ROBO1: variants seen among roughly 807,000 people sequenced by gnomAD.
The protein encoded by ROBO1 is roundabout homolog 1.
In ROBO1, 149 loss-of-function variants were observed where a neutral mutation model predicts 195.9. The ratio of observed to expected loss-of-function variants is 0.76; its 90% CI spans 0.67 to 0.87. The LOEUF is 0.87. Ranked by LOEUF, ROBO1 falls within the 40% of genes least tolerant of loss-of-function variation. The pLI is 0.00. For synonymous variants in ROBO1, 816 were observed against 733.2 expected, an observed-to-expected ratio of 1.11 and a Z score of -1.82; for missense variants, 1,933 against 2,068.3, an observed-to-expected ratio of 0.93 and a Z score of 1.27.
intron 2 of ROBO1, among the ~76,000 whole-genome samples, chr3:79,251,303 C>T (rs2108909414): frequency 1.3e-5 from 2 of 152,166 alleles, no homozygotes; most frequent in East Asian, 3.9e-4. Context: ...TCTTCATTGT[C>T]TTATTTGCTT....
chr3:78,598,376 ATTT>A lies in ROBO1; in HGVS notation c.*534_*536del, dbSNP rs1400089033. On this transcript the variant is annotated 3_prime_UTR_variant, in exon 31 of 31. Coordinates refer to ENST00000464233, the MANE Select transcript of ROBO1 (RefSeq NM_002941.4). ...TTGTTTGTGGTTCTGCATTTGCTATATTTTTAGTTTCTTCCAGCAAAGGGTAGT... is the reference window on the plus strand; with the variant it reads ...TTGTTTGTGGTTCTGCATTTGCTATATTAGTTTCTTCCAGCAAAGGGTAGT... 2.0e-5 allele frequency: 3 copies of A among 152,554 alleles called. No homozygotes were observed. The highest frequency in any genetic ancestry group is 2.9e-5 in the Non-Finnish European group (2 of 68,014). 9.5% of individuals were successfully genotyped at this position (152,554 alleles called of 1,614,324 possible). A position where few individuals can be genotyped will look rare whatever the true frequency, so the allele number is the denominator to read the frequency against.
intron 3 of ROBO1, among the ~76,000 whole-genome samples, chr3:78,975,080 G>T (rs906557870): frequency 1.3e-5 from 2 of 152,016 alleles, no homozygotes; most frequent in Non-Finnish European, 2.9e-5. Context: ...ATGTAAATTA[G>T]AATTTTTATT....
intron 1 of ROBO1, among the ~76,000 whole-genome samples, chr3:79,727,376 CAA>C (rs1279987605): frequency 6.6e-6 from 1 of 151,872 alleles, no homozygotes; most frequent in Non-Finnish European, 1.5e-5. Context: ...AAAAAGGTGA[CAA>C]TAGAGGTGAT....
In ROBO1 at chr3:79,204,915, TTTTG is replaced by T. The variant is rs577654160; in HGVS notation, c.89-79380_89-79377del. On this transcript the variant is annotated intron_variant, in intron 2 of 30. Transcript: ENST00000464233. ...TTTTTTGTTTTTGTTTTTGTTTTTG[TTTTG>T]TTTGTTTGTTTTTTAACTTTATTTT... Among the ~76,000 whole-genome samples the T allele has an allele frequency of 4.8e-3, 727 of 152,106 alleles. 3 individuals carry two copies. The highest frequency in any genetic ancestry group is 0.011 in the African/African-American group (473 of 41,518).
intron 3 of ROBO1, among the ~76,000 whole-genome samples, chr3:78,963,703 G>C (rs71324656): frequency 6.6e-6 from 1 of 151,574 alleles, no homozygotes; most frequent in South Asian, 2.1e-4. Flanking sequence ...ATTTTTAGTA[G>C]AGACGGGGTT....
chr3:78,979,637 C>G (rs1010159686), intron 3 of ROBO1, among the ~76,000 whole-genome samples: 1 of 152,008 alleles, frequency 6.6e-6, no homozygotes, highest in African/African-American at 2.4e-5. Flanking sequence ...AGCTTTCAAC[C>G]CCCTTTACTA....
intron 2 of ROBO1, among the ~76,000 whole-genome samples, chr3:79,415,240 T>C (rs561606975): frequency 5.9e-5 from 9 of 152,298 alleles, no homozygotes; most frequent in South Asian, 2.1e-4. Context: ...AGTGAAACAA[T>C]AGATGAAGTT....
intron 29 of ROBO1, among the ~76,000 whole-genome samples, chr3:78,603,538 A>G (rs535832966): frequency 1.3e-5 from 2 of 152,304 alleles, no homozygotes; most frequent in South Asian, 4.1e-4. Flanking sequence ...AATGCTTAAT[A>G]ACACAGTAGG....
intron 3 of ROBO1, among the ~76,000 whole-genome samples, chr3:79,087,795 G>A (rs2079400627): frequency 6.6e-6 from 1 of 152,018 alleles, no homozygotes; most frequent in Admixed American, 6.6e-5. Flanking sequence ...GTGTAATAAA[G>A]ACAACTTGAG....
chr3:78,602,351 G>A (rs9871559), intron 29 of ROBO1, among the ~76,000 whole-genome samples: 53,864 of 151,908 alleles, frequency 0.35, 10,595 homozygotes, highest in Admixed American at 0.45. Context: ...TTCACCTTCC[G>A]CCATGATTCT....
chr3:79,351,745 T>G (rs1456934007), intron 2 of ROBO1, among the ~76,000 whole-genome samples: 4 of 152,162 alleles, frequency 2.6e-5, no homozygotes, highest in Admixed American at 6.5e-5. Context: ...AAGCTGACTA[T>G]CCAGTGAATT....
chr3:78,933,766 T>C (rs551633053), intron 4 of ROBO1, among the ~76,000 whole-genome samples: 1 of 152,018 alleles, frequency 6.6e-6, no homozygotes, highest in East Asian at 1.9e-4. Flanking sequence ...AAATATAAAT[T>C]GAAAAAGAAA....
chr3:79,697,211 T>A (rs910864211), intron 1 of ROBO1, among the ~76,000 whole-genome samples: 10 of 151,516 alleles, frequency 6.6e-5, no homozygotes, highest in African/African-American at 2.2e-4. Flanking sequence ...CTAAATTATA[T>A]ATAATTATCA....
intron 2 of ROBO1, among the ~76,000 whole-genome samples, chr3:79,381,229 T>A (rs964723478): frequency 4.0e-5 from 6 of 151,122 alleles, no homozygotes; most frequent in African/African-American, 1.5e-4. Context: ...TGGAGGCAGG[T>A]GCCTGTAATC....
At chr3:79,008,874 C>A (rs181920041) in intron 3 of ROBO1, among the ~76,000 whole-genome samples, 172 of 145,348 alleles carry the variant, frequency 1.2e-3, no homozygotes, top group African/African-American at 4.0e-3. Flanking sequence ...CAGGCATGAG[C>A]CACTGCACCC....
chr3:79,642,300 A>G (rs546099871), intron 1 of ROBO1, among the ~76,000 whole-genome samples: 3 of 152,264 alleles, frequency 2.0e-5, no homozygotes, highest in South Asian at 4.1e-4. Context: ...ATGACCAAAT[A>G]TAAGAATTAT....
At chr3:79,230,718 A>G (rs1686249172) in intron 2 of ROBO1, among the ~76,000 whole-genome samples, 1 of 152,078 alleles carries the variant, frequency 6.6e-6, no homozygotes, top group Non-Finnish European at 1.5e-5. Context: ...TTCCCATTAA[A>G]CTACGATTGA....
chr3:78,993,041 T>C (rs2077274619), intron 3 of ROBO1, among the ~76,000 whole-genome samples: 1 of 151,836 alleles, frequency 6.6e-6, no homozygotes, highest in Non-Finnish European at 1.5e-5. Flanking sequence ...TGAGCCAGAC[T>C]TTCTCAATTC....
intron 1 of ROBO1, among the ~76,000 whole-genome samples, chr3:79,682,387 G>A (rs1291866560): frequency 2.0e-5 from 3 of 151,844 alleles, no homozygotes; most frequent in Non-Finnish European, 4.4e-5. Context: ...TCCAATTTCT[G>A]TTCTTACTAA....
Sources: gnomAD v4.1 joint callset for allele counts (sites outside exome capture counted in the v4.1 genomes callset) on GRCh38, gnomAD v4.1.1 for gene constraint, MANE v1.5 for transcripts, NCBI Gene and HGNC (gene_info 2026-07-23, HGNC 2026-07-21) for gene names.